CNTNAP2: variants seen among roughly 807,000 people sequenced by gnomAD.
The protein encoded by CNTNAP2 is contactin associated protein 2.
In CNTNAP2, 98 loss-of-function variants were observed where a neutral mutation model predicts 155.2. The ratio of observed to expected loss-of-function variants is 0.63; its 90% CI spans 0.54 to 0.75. CNTNAP2 has a LOEUF of 0.75. CNTNAP2 is among the 30% of genes least tolerant of loss of function. The probability of loss-of-function intolerance (pLI) is 0.00; values close to 1 mark genes in which losing one functional copy is unlikely to be tolerated. For synonymous variants in CNTNAP2, 651 were observed against 631.2 expected (o/e 1.03, Z -0.47); for missense variants, 1,727 against 1,688.1 (o/e 1.02, Z -0.40).
At position 148,125,413 on chromosome 7, in the gene CNTNAP2, G is replaced by A. The variant is rs570281515; in HGVS notation, c.2554+7125G>A. Among the ~76,000 whole-genome samples, 32 of 151,982 alleles carry A rather than the reference G, an allele frequency of 2.1e-4. No individual in the cohort carries two copies. The South Asian group carries it at 3.5e-3, about 17-fold the overall frequency. ...GTTTTTCCATCCTCTCCCTCCTCCC[G>A]CCCTCCACGCTTAGTACACGTATCC... On this transcript the variant is annotated intron_variant, in intron 16 of 23. Transcript: ENST00000361727.
intron 13 of CNTNAP2, among the ~76,000 whole-genome samples, chr7:147,667,774 C>T (rs1453883959): frequency 6.7e-6 from 1 of 150,092 alleles, no homozygotes; most frequent in African/African-American, 2.5e-5. Context: ...CTGAGAAGGA[C>T]TTTTACCCAG....
intron 4 of CNTNAP2, chr7:147,081,564 A>G (rs1436255715): frequency 1.3e-5 from 2 of 148,446 alleles, no homozygotes; most frequent in Non-Finnish European, 2.9e-5. Context: ...CTACAGGCGC[A>G]CCACCACACC....
chr7:146,360,846 C>T (rs192225907), intron 1 of CNTNAP2, among the ~76,000 whole-genome samples: 2 of 152,270 alleles, frequency 1.3e-5, no homozygotes, highest in East Asian at 1.9e-4. Flanking sequence ...AACGTATCCC[C>T]TTGAAGTGGC....
intron 13 of CNTNAP2, among the ~76,000 whole-genome samples, chr7:147,771,478 ATT>A (rs1797468263): frequency 6.6e-6 from 1 of 152,196 alleles, no homozygotes; most frequent in African/African-American, 2.4e-5. Flanking sequence ...CGTGGGTGAC[ATT>A]TCTAAGGCAG....
intron 21 of CNTNAP2, among the ~76,000 whole-genome samples, chr7:148,292,737 C>A (rs184416174): frequency 6.6e-6 from 1 of 152,114 alleles, no homozygotes; most frequent in Admixed American, 6.5e-5. Context: ...CTGCAGGGAC[C>A]CTGGCCACCA....
chr7:148,056,190 A>G (rs776641953), intron 15 of CNTNAP2, among the ~76,000 whole-genome samples: 10 of 152,136 alleles, frequency 6.6e-5, no homozygotes, highest in Non-Finnish European at 1.2e-4. Context: ...GAGAATTTAA[A>G]CATTGTGGGC....
At chr7:147,521,304 A>C (rs1452447041) in intron 11 of CNTNAP2, among the ~76,000 whole-genome samples, 6 of 152,228 alleles carry the variant, frequency 3.9e-5, no homozygotes, top group Non-Finnish European at 8.8e-5. Flanking sequence ...ATTATCGGGA[A>C]CCAAAGAAGC....
At chr7:146,711,268 A>G (rs1801065969) in intron 1 of CNTNAP2, among the ~76,000 whole-genome samples, 1 of 146,970 alleles carries the variant, frequency 6.8e-6, no homozygotes, top group Non-Finnish European at 1.5e-5. Context: ...ATATAAATAT[A>G]TAATATATAA....
At chr7:147,060,674 A>C (rs1026882978) in intron 4 of CNTNAP2, among the ~76,000 whole-genome samples, 3 of 152,148 alleles carry the variant, frequency 2.0e-5, no homozygotes, top group Non-Finnish European at 4.4e-5. Flanking sequence ...CCATCTGGCT[A>C]ACACGGTGAA....
At chr7:146,965,434 T>C (rs1797638824) in intron 3 of CNTNAP2, among the ~76,000 whole-genome samples, 1 of 151,994 alleles carries the variant, frequency 6.6e-6, no homozygotes, top group South Asian at 2.1e-4. Context: ...TTCAAATCCC[T>C]CAGGATTTTG....
At chr7:147,628,125 T>A (rs1296683410) in intron 12 of CNTNAP2, among the ~76,000 whole-genome samples, 1 of 151,980 alleles carries the variant, frequency 6.6e-6, no homozygotes, top group Non-Finnish European at 1.5e-5. Context: ...TACAAGAAGC[T>A]CAAAGAACAC....
At chr7:146,673,400 T>C (rs866228678) in intron 1 of CNTNAP2, among the ~76,000 whole-genome samples, 8 of 152,234 alleles carry the variant, frequency 5.3e-5, no homozygotes, top group Non-Finnish European at 2.9e-5. Context: ...ATAATAGTTA[T>C]GCCAGAAACG....
At chr7:147,127,021 G>A (rs1359318470) in intron 6 of CNTNAP2, among the ~76,000 whole-genome samples, 1 of 152,018 alleles carries the variant, frequency 6.6e-6, no homozygotes, top group African/African-American at 2.4e-5. Context: ...TGCACACAGA[G>A]GAATATGTAT....
At chr7:147,032,305 T>C (rs1047704253) in intron 3 of CNTNAP2, among the ~76,000 whole-genome samples, 1 of 152,232 alleles carries the variant, frequency 6.6e-6, no homozygotes, top group African/African-American at 2.4e-5. Flanking sequence ...AACCCCACTA[T>C]GCATTTATCA....
Position 146,205,141 on chromosome 7 carries a change from C to G in CNTNAP2, c.97+88168C>G, listed in dbSNP as rs7789902. Among the ~76,000 whole-genome samples the G allele has an allele frequency of 6.1e-3, 923 of 152,088 alleles. 6 individuals carry two copies. The highest frequency in any genetic ancestry group is 0.021 in the African/African-American group (890 of 41,546). ...ATGAAGATATCTAGAATCCCTTTCTCTATTCCAAGAACACATTTATTATTG... is the reference window on the plus strand; with the variant it reads ...ATGAAGATATCTAGAATCCCTTTCTGTATTCCAAGAACACATTTATTATTG... On this transcript the variant is annotated intron_variant, in intron 1 of 23. Coordinates refer to ENST00000361727, the MANE Select transcript of CNTNAP2 (RefSeq NM_014141.6).
intron 1 of CNTNAP2, among the ~76,000 whole-genome samples, chr7:146,430,291 A>G (rs1796154868): frequency 1.3e-5 from 2 of 152,014 alleles, no homozygotes; most frequent in African/African-American, 2.4e-5. Flanking sequence ...TGTCCAAATA[A>G]TCACAGAAAG....
chr7:147,078,336 C>CT (rs1302877710), intron 4 of CNTNAP2, among the ~76,000 whole-genome samples: 1 of 152,150 alleles, frequency 6.6e-6, no homozygotes, highest in African/African-American at 2.4e-5. Flanking sequence ...AAATTCAATA[C>CT]TTTTTTTGTT....
intron 13 of CNTNAP2, among the ~76,000 whole-genome samples, chr7:147,640,314 T>C (rs1223930778): frequency 1.3e-5 from 2 of 152,180 alleles, no homozygotes; most frequent in African/African-American, 4.8e-5. Flanking sequence ...GTAGTCACCA[T>C]GTTATACAAT....
chr7:146,619,861 G>A (rs1325637109), intron 1 of CNTNAP2, among the ~76,000 whole-genome samples: 1 of 152,160 alleles, frequency 6.6e-6, no homozygotes, highest in African/African-American at 2.4e-5. Context: ...CGAATACTAT[G>A]TAGATGTATT....
Sources: allele counts gnomAD v4.1 joint callset (sites outside exome capture counted in the v4.1 genomes callset), GRCh38; gene constraint gnomAD v4.1.1; transcripts MANE v1.5; gene names NCBI Gene and HGNC (gene_info 2026-07-23, HGNC 2026-07-21).